Variants in ACOT11 observed in about 807,000 individuals in gnomAD.
ACOT11 encodes the protein acyl-CoA thioesterase 11.
A neutral mutation model predicts 77.5 loss-of-function variants in ACOT11; 69 were observed. The observed-to-expected ratio is 0.89, with a 90% CI of 0.73 to 1.09. The LOEUF (loss-of-function observed/expected upper bound fraction) is 1.09. Ranked by LOEUF, ACOT11 falls within the 50% of genes least tolerant of loss-of-function variation. The pLI is 0.00. For synonymous variants in ACOT11, 279 were observed against 313.0 expected (o/e 0.89, Z 1.15); for missense variants, 766 against 813.7 (o/e 0.94, Z 0.71).
intron 9 of ACOT11, 73 bp from the exon 10 acceptor site, chr1:54,602,596 G>A (rs112175056): frequency 1.5e-6 from 2 of 1,374,464 alleles, no homozygotes; most frequent in Non-Finnish European, 1.9e-6. Context: ...GAACTCCTTG[G>A]GCCCTGGGGG....
chr1:54,634,320 G>C (rs1644318611), intron 16 of ACOT11, among the ~76,000 whole-genome samples: 1 of 152,166 alleles, frequency 6.6e-6, no homozygotes, highest in Non-Finnish European at 1.5e-5. Context: ...TTTACAGATG[G>C]GTCTAGTAAT....
At chr1:54,616,757 C>CT (rs1251012271) in intron 15 of ACOT11, among the ~76,000 whole-genome samples, 2 of 152,106 alleles carry the variant, frequency 1.3e-5, no homozygotes, top group African/African-American at 4.8e-5. Context: ...TTTCCACGAT[C>CT]TTTTTTTATG....
chr1:54,602,645 T>G, intron 9 of ACOT11, 24 bp from the exon 10 acceptor site: 1 of 1,511,076 alleles, frequency 6.6e-7, no homozygotes, highest in Non-Finnish European at 8.8e-7. Context: ...GGTAGCTGGT[T>G]GCCTATCCCG....
At chr1:54,612,306 G>A (rs1333946757), downstream of ACOT11, among the ~76,000 whole-genome samples, 9 of 151,800 alleles carry the variant, frequency 5.9e-5, no homozygotes, top group African/African-American at 1.7e-4. Flanking sequence ...CTCTTGGGAG[G>A]TAGTGAGTAG....
chr1:54,601,386 G>T lies in ACOT11; in HGVS notation c.1002G>T (p.Leu334Phe). 1.9e-6 allele frequency: 3 copies of T among 1,613,330 alleles called. No homozygotes were observed. The highest frequency in any genetic ancestry group is 2.5e-6 in the Non-Finnish European group (3 of 1,179,968). ...VVLDADDQPQ[L>F]LPWIRPQPGD... Reference sequence around the variant, plus strand: ...TGGACGCAGATGACCAGCCCCAGTTGCTGCCCTGGATTCGGCCCCAGCCCG... The same window carrying T: ...TGGACGCAGATGACCAGCCCCAGTTTCTGCCCTGGATTCGGCCCCAGCCCG... Residue 334 changes from leucine to phenylalanine, a missense_variant, in exon 9 of 16, where the codon TTG becomes TTT. Transcript: ENST00000343744.
intron 1 of ACOT11, among the ~76,000 whole-genome samples, chr1:54,562,454 C>G (rs1653553162): frequency 2.3e-5 from 2 of 87,900 alleles, no homozygotes; most frequent in South Asian, 8.0e-4. Context: ...CTGATCCCCC[C>G]ACCTCCCTCC....
downstream of ACOT11, chr1:54,614,963 T>TGTGCAC: frequency 8.8e-7 from 1 of 1,134,122 alleles, no homozygotes; most frequent in Non-Finnish European, 1.3e-6. Flanking sequence ...TGCATGTGCG[T>TGTGCAC]GCACAGTGGA....
intron 15 of ACOT11, chr1:54,623,153 G>T: frequency 1.5e-6 from 1 of 662,242 alleles, no homozygotes; most frequent in Non-Finnish European, 2.6e-6. Context: ...CTCCAGCCTG[G>T]GCAACAAGAG....
intron 15 of ACOT11, among the ~76,000 whole-genome samples, chr1:54,617,877 C>G (rs113785018): frequency 0.089 from 13,521 of 151,792 alleles, 905 homozygotes; most frequent in African/African-American, 0.17. Context: ...GTATGCACCA[C>G]CACCATGCAC....
At chr1:54,635,380 G>A in exon 17 of ACOT11, 1 of 299,402 alleles carries the variant, frequency 3.3e-6, no homozygotes, top group Non-Finnish European at 6.3e-6. Flanking sequence ...AACCATGGCG[G>A]TATAGTGGCA....
chr1:54,622,383 A>G (rs1180372142), intron 15 of ACOT11, among the ~76,000 whole-genome samples: 2 of 151,898 alleles, frequency 1.3e-5, no homozygotes, highest in Non-Finnish European at 2.9e-5. Context: ...GATCAAGACC[A>G]TCCTGGCCAA....
intron 1 of ACOT11, among the ~76,000 whole-genome samples, chr1:54,566,149 C>T (rs113669847): frequency 4.6e-5 from 7 of 152,118 alleles, no homozygotes; most frequent in Admixed American, 1.3e-4. Flanking sequence ...CTCCTCCCCA[C>T]GTGACTTCTA....
At position 54,562,282 on chromosome 1, in the gene ACOT11, C is replaced by T. The variant is rs1314911805; in HGVS notation, c.33+13940C>T. 6.7e-5 allele frequency among the ~76,000 whole-genome samples: 8 copies of T among 119,400 alleles called. No individual in the cohort carries two copies. The East Asian group carries it at 1.9e-3, about 28-fold the overall frequency. The allele number at this position is 119,400 out of a possible 152,430, so 78.3% of individuals were successfully genotyped here. A position where few individuals can be genotyped will look rare whatever the true frequency, so the allele number is the denominator to read the frequency against. On this transcript the variant is annotated intron_variant, in intron 1 of 15. Coordinates refer to ENST00000343744, the MANE Select transcript of ACOT11 (RefSeq NM_147161.4). ...CAGGCGGGGGGCTGACCCCCCACCT[C>T]CCTCCCGGACGGGGCGGCTGGCCGG...
intron 1 of ACOT11, among the ~76,000 whole-genome samples, chr1:54,571,198 G>A (rs764452558): frequency 6.6e-6 from 1 of 151,970 alleles, no homozygotes. Context: ...AAATGGCTTC[G>A]GGTTATCTAG....
At chr1:54,567,590 A>C (rs1250047662) in intron 1 of ACOT11, among the ~76,000 whole-genome samples, 8 of 151,194 alleles carry the variant, frequency 5.3e-5, no homozygotes, top group Non-Finnish European at 8.9e-5. Context: ...TTTTTCCCTA[A>C]TTTTTATCCT....
Position 54,584,886 on chromosome 1 carries a change from C to G in ACOT11, c.241+24C>G, listed in dbSNP as rs772253657. ...CGGTAAGGCTGCGCTCCCCATGGTTCCCTACCTGCCCCACAGGCCCAGAGC... is the reference window on the plus strand; with the variant it reads ...CGGTAAGGCTGCGCTCCCCATGGTTGCCTACCTGCCCCACAGGCCCAGAGC... On this transcript the variant is annotated intron_variant, in intron 2 of 15. Coordinates refer to ENST00000343744, the MANE Select transcript of ACOT11 (RefSeq NM_147161.4). The surrounding 1 kb of genome is among the most constrained non-coding windows in gnomAD (Gnocchi z 6.3). 5.6e-6 allele frequency: 9 copies of G among 1,593,502 alleles called. No individual in the cohort carries two copies. In the South Asian group the frequency reaches 1.0e-4, roughly 18 times the overall value.
intron 1 of ACOT11, among the ~76,000 whole-genome samples, chr1:54,549,113 A>G (rs191332071): frequency 3.0e-4 from 45 of 152,222 alleles, no homozygotes; most frequent in African/African-American, 1.0e-3. Flanking sequence ...CTCCATCTGC[A>G]CAGCCACTGC....
At position 54,599,292 on chromosome 1, in the gene ACOT11, TC is replaced by T; in HGVS notation, c.765-3del. On this transcript the variant is annotated splice_region_variant and splice_polypyrimidine_tract_variant and intron_variant, in intron 7 of 15. Coordinates refer to ENST00000343744, the MANE Select transcript of ACOT11 (RefSeq NM_147161.4). ...CTTCTGTCTCCCCACCCCTGCCTCC[TC>T]AGCCGGCTCTGCCGTGCCCACCCTA... The T allele has an allele frequency of 6.6e-7, 1 of 1,526,168 alleles. No homozygotes were observed. The highest frequency in any genetic ancestry group is 8.8e-7 in the Non-Finnish European group (1 of 1,130,006). The allele number at this position is 1,526,168 out of a possible 1,614,324, so 94.5% of individuals were successfully genotyped here. A position where few individuals can be genotyped will look rare whatever the true frequency, so the allele number is the denominator to read the frequency against.
intron 8 of ACOT11, 154 bp downstream of exon 8, chr1:54,599,569 C>A: frequency 2.2e-6 from 2 of 928,584 alleles, no homozygotes; most frequent in Non-Finnish European, 2.9e-6. Flanking sequence ...TGAAATTCAG[C>A]TCTGATTTTC....
Sources: gnomAD v4.1 joint callset for allele counts (sites outside exome capture counted in the v4.1 genomes callset) on GRCh38, gnomAD v4.1.1 for gene constraint, Gnocchi (gnomAD v3.1) non-coding constraint, MANE v1.5 for transcripts, NCBI Gene and HGNC (gene_info 2026-07-23, HGNC 2026-07-21) for gene names.